The following ATP2C1 variants were observed in gnomAD, a reference collection of about 807,000 sequenced individuals.
The protein encoded by ATP2C1 is calcium-transporting ATPase type 2C member 1.
In ATP2C1, 31 loss-of-function variants were observed where a neutral mutation model predicts 120.5. The observed-to-expected ratio is 0.26, with a 90% CI of 0.19 to 0.35. The LOEUF (loss-of-function observed/expected upper bound fraction) is 0.35. Among genes scored for constraint, ATP2C1 ranks in the 10% least tolerant of loss-of-function variants. The pLI is 1.00. For missense variants in ATP2C1, 731 were observed against 1,107.5 expected (o/e 0.66, Z 4.83); for synonymous variants, 351 against 358.7 (o/e 0.98, Z 0.24).
chr3:130,889,354 AGTG>A (rs2069089005), upstream of ATP2C1, among the ~76,000 whole-genome samples: 1 of 152,222 alleles, frequency 6.6e-6, no homozygotes, highest in Non-Finnish European at 1.5e-5. Context: ...TCGAGGACCT[AGTG>A]TACAATGCTT....
intron 18 of ATP2C1, among the ~76,000 whole-genome samples, chr3:130,977,710 GCA>G (rs2061584167): frequency 1.3e-5 from 2 of 152,060 alleles, no homozygotes; most frequent in African/African-American, 4.8e-5. Flanking sequence ...AGTTTTTGTT[GCA>G]CAGAGTTTTG....
rs766432405 is a variant in ATP2C1 at position 131,015,112 on chromosome 3, T to A, written c.2630-1040T>A. On this transcript the variant is annotated intron_variant, in intron 26 of 26. Transcript: ENST00000328560. ...AGGGGTCAAAGGCCAATTAGTCTTATTTGTGTTAGCTCAGATATAAGGCCC... is the reference window on the plus strand; with the variant it reads ...AGGGGTCAAAGGCCAATTAGTCTTAATTGTGTTAGCTCAGATATAAGGCCC... 1.1e-5 allele frequency: 7 copies of A among 613,058 alleles called. No homozygotes were observed. The African/African-American group carries it at 1.3e-4, about 11-fold the overall frequency. The allele number at this position is 613,058 out of a possible 1,614,324, so 38.0% of individuals were successfully genotyped here.
intron 18 of ATP2C1, among the ~76,000 whole-genome samples, chr3:130,977,071 A>G (rs1025304403): frequency 6.6e-6 from 1 of 151,978 alleles, no homozygotes; most frequent in East Asian, 1.9e-4. Flanking sequence ...TTGACCCAGG[A>G]TTATAATCGT....
chr3:131,016,511 C>T (rs2063640025), exon 27 of ATP2C1: 1 of 721,938 alleles, frequency 1.4e-6, no homozygotes, highest in Non-Finnish European at 2.2e-6. Flanking sequence ...AATATTGATA[C>T]TGAACTGTCT....
intron 2 of ATP2C1, among the ~76,000 whole-genome samples, chr3:130,912,494 A>G (rs1326544767): frequency 1.3e-5 from 2 of 148,738 alleles, no homozygotes; most frequent in Non-Finnish European, 3.0e-5. Context: ...CAAAAAACAC[A>G]TGAAAAAATG....
intron 22 of ATP2C1, 45 bp from the exon 23 acceptor site, chr3:130,995,998 G>C (rs372414471): frequency 7.3e-5 from 89 of 1,224,326 alleles, no homozygotes; most frequent in Non-Finnish European, 1.0e-4. Flanking sequence ...ATACATTTTT[G>C]TATGATAATA....
chr3:130,941,205 C>T (rs532804946), intron 7 of ATP2C1, among the ~76,000 whole-genome samples: 9 of 148,812 alleles, frequency 6.0e-5, no homozygotes, highest in East Asian at 2.0e-4. Context: ...TGAGCCACCG[C>T]GCCCGGCTGT....
intron 7 of ATP2C1, among the ~76,000 whole-genome samples, chr3:130,941,223 AGTGTGTGT>A (rs71774561): frequency 0.49 from 71,091 of 144,152 alleles, 20,061 homozygotes; most frequent in Non-Finnish European, 0.64. Context: ...TGTATTTAAC[AGTGTGTGT>A]GTGTGTGTGT....
At chr3:130,885,461 T>C (rs1485810593) in intron 1 of ATP2C1, among the ~76,000 whole-genome samples, 1 of 152,192 alleles carries the variant, frequency 6.6e-6, no homozygotes, top group East Asian at 1.9e-4. Flanking sequence ...TGATTTTCTC[T>C]GGTGGTATGA....
intron 3 of ATP2C1, 84 bp from the exon 4 acceptor site, chr3:130,931,938 A>G (rs2059468730): frequency 2.7e-5 from 24 of 878,424 alleles, no homozygotes; most frequent in South Asian, 2.6e-4. Flanking sequence ...TGTAAATGTG[A>G]TAATACATTA....
chr3:130,952,079 CAG>C (rs1452286798), intron 8 of ATP2C1, among the ~76,000 whole-genome samples: 1 of 152,130 alleles, frequency 6.6e-6, no homozygotes, highest in Non-Finnish European at 1.5e-5. Flanking sequence ...TTGGAGCTCT[CAG>C]GTCTGTCAGG....
chr3:130,959,218 G>A, intron 11 of ATP2C1, 57 bp from the exon 12 acceptor site: 1 of 1,313,978 alleles, frequency 7.6e-7, no homozygotes, highest in Non-Finnish European at 1.1e-6. Flanking sequence ...AGCTTGTTCT[G>A]TTCCTTCTAG....
intron 1 of ATP2C1, among the ~76,000 whole-genome samples, chr3:130,886,575 C>G (rs2068977574): frequency 6.6e-6 from 1 of 152,022 alleles, no homozygotes; most frequent in East Asian, 1.9e-4. Context: ...TTTCAAATAG[C>G]CTTTCTACAT....
chr3:130,877,726 G>C (rs1050087901), intron 1 of ATP2C1, among the ~76,000 whole-genome samples: 1 of 152,184 alleles, frequency 6.6e-6, no homozygotes, highest in African/African-American at 2.4e-5. Flanking sequence ...GGAAGTCAGT[G>C]TGGCGATTCC....
intron 27 of ATP2C1, 95 bp from the exon 28 acceptor site, chr3:131,001,125 A>AAG (rs2062867537): frequency 2.0e-6 from 2 of 1,003,226 alleles, no homozygotes; most frequent in Non-Finnish European, 2.9e-6. Context: ...AAAAAAAAAA[A>AAG]AAGTTGTGTT....
At chr3:131,011,733 T>C (rs1466729960) in intron 26 of ATP2C1, among the ~76,000 whole-genome samples, 1 of 152,246 alleles carries the variant, frequency 6.6e-6, no homozygotes, top group East Asian at 1.9e-4. Context: ...GACAGACTGC[T>C]TTATGTAAGG....
chr3:131,016,161 T>C lies in ATP2C1; in HGVS notation c.2639T>C (p.Leu880Pro), dbSNP rs372714897. The C allele has an allele frequency of 3.1e-6, 5 of 1,614,016 alleles. No individual in the cohort carries two copies. The African/African-American group carries it at 6.7e-5, about 22-fold the overall frequency. ...GTGCTTACCGAGTTAGGTCTGGCTC[T>C]GGGAGAGGAGTGGACAGCAGCTGGT... The change falls in exon 27 of 27, where the codon CTG (leucine) becomes CCG (proline). Residue 880 changes from leucine (L) to proline (P), a missense_variant. By Grantham distance (98) the Leu-to-Pro change is moderately conservative (BLOSUM62 -3). Coordinates refer to the ATP2C1 transcript ENST00000328560.
upstream of ATP2C1, chr3:130,893,991 C>T (rs2069334338): frequency 2.0e-6 from 2 of 985,602 alleles, no homozygotes; most frequent in South Asian, 4.7e-5. Flanking sequence ...GTAATAGTGA[C>T]AAAGCTGGGT....
chr3:130,872,175 A>G (rs1233936934), intron 1 of ATP2C1, among the ~76,000 whole-genome samples: 1 of 152,226 alleles, frequency 6.6e-6, no homozygotes, highest in Non-Finnish European at 1.5e-5. Flanking sequence ...GGAATATACA[A>G]AAAGATATAA....
Sources: gnomAD v4.1 joint callset for allele counts (sites outside exome capture counted in the v4.1 genomes callset) on GRCh38, gnomAD v4.1.1 for gene constraint, MANE v1.5 for transcripts, NCBI Gene and HGNC (gene_info 2026-07-23, HGNC 2026-07-21) for gene names.